TMEM234: variants seen among roughly 807,000 people sequenced by gnomAD.
TMEM234 encodes the protein transmembrane protein 234.
In TMEM234, 21 loss-of-function variants were observed where a neutral mutation model predicts 17.8. The observed-to-expected ratio is 1.18, with a 90% CI of 0.84 to 1.70. The LOEUF is 1.70. TMEM234 is among the 40% of genes most tolerant of loss of function. TMEM234 has a pLI of 0.00. For synonymous variants in TMEM234, 83 were observed against 73.5 expected (o/e 1.13, Z -0.66); for missense variants, 137 against 166.9 (o/e 0.82, Z 0.99).
In TMEM234 at chr1:32,216,395, G is replaced by A. The variant is rs1459887331; in HGVS notation, c.*458C>T. ...CCACTCCGACGCACCTTCTTCCCTC[G>A]GTTCCACCCCTCATTCAGCCAAAGC... On this transcript the variant is annotated 3_prime_UTR_variant, in exon 5 of 5. Coordinates refer to ENST00000309777, the MANE Select transcript of TMEM234 (RefSeq NM_019118.5). 12 of 1,551,170 alleles carry A rather than the reference G, an allele frequency of 7.7e-6. No homozygotes were observed. The highest frequency in any genetic ancestry group is 6.8e-5 in the African/African-American group (5 of 73,006).
In TMEM234 at chr1:32,217,560, C is replaced by T. The variant is rs1168361190; in HGVS notation, c.236-209G>A. 5 of 1,144,634 alleles carry T rather than the reference C, an allele frequency of 4.4e-6. No homozygotes were observed. In the East Asian group the frequency reaches 1.0e-4, roughly 24 times the overall value. 70.9% of individuals were successfully genotyped at this position (1,144,634 alleles called of 1,614,324 possible). A position where few individuals can be genotyped will look rare whatever the true frequency, so the allele number is the denominator to read the frequency against. On this transcript the variant is annotated intron_variant, in intron 3 of 4. Transcript: ENST00000309777. ...GGATTCCAGCATGAAGACCTGAACT[C>T]TGAGGTCTGGGACCAGCCTGGTTTG...
At chr1:32,218,824 G>A (rs1638642156) in intron 3 of TMEM234, among the ~76,000 whole-genome samples, 1 of 152,214 alleles carries the variant, frequency 6.6e-6, no homozygotes, top group Non-Finnish European at 1.5e-5. Context: ...TGTAGTCCCA[G>A]CTACTTGGGA....
chr1:32,217,256 T>TAG lies in TMEM234; in HGVS notation c.328+2_328+3insCT, dbSNP rs1638482236. 1 of 1,614,194 alleles carries TAG rather than the reference T, an allele frequency of 6.2e-7. No homozygotes were observed. The highest frequency in any genetic ancestry group is 8.5e-7 in the Non-Finnish European group (1 of 1,180,030). On this transcript the variant is annotated splice_region_variant and intron_variant, in intron 4 of 4. Transcript: ENST00000309777. Reference sequence around the variant, plus strand: ...GTCCCGCACTCGCAGTAGTCTAACTTACGTTTTCCACCAATATCTTCTCCA... The same window carrying TAG: ...GTCCCGCACTCGCAGTAGTCTAACTTAGACGTTTTCCACCAATATCTTCTCCA...
downstream of TMEM234, chr1:32,215,873 C>T: frequency 6.4e-7 from 1 of 1,551,482 alleles, no homozygotes. Context: ...CTATCTCAGC[C>T]TCAGCCCCAG....
chr1:32,217,478 A>G, intron 3 of TMEM234, 127 bp from the exon 4 acceptor site: 1 of 1,541,472 alleles, frequency 6.5e-7, no homozygotes, highest in Middle Eastern at 1.7e-4. Flanking sequence ...AGATGAAGTC[A>G]CAGCAAATCT....
intron 3 of TMEM234, 167 bp from the exon 4 acceptor site, chr1:32,217,518 A>G: frequency 2.8e-6 from 4 of 1,451,946 alleles, no homozygotes; most frequent in Non-Finnish European, 3.7e-6. Context: ...TCCTGACTCC[A>G]CGTTCAGTGC....
chr1:32,219,658 C>G (rs775989777), intron 3 of TMEM234, among the ~76,000 whole-genome samples: 9 of 152,162 alleles, frequency 5.9e-5, no homozygotes, highest in Non-Finnish European at 8.8e-5. Flanking sequence ...TAGGCCTGAG[C>G]CACTGTGCCC....
intron 3 of TMEM234, among the ~76,000 whole-genome samples, chr1:32,218,111 T>A (rs2124229867): frequency 6.6e-6 from 1 of 152,338 alleles, no homozygotes; most frequent in South Asian, 2.1e-4. Flanking sequence ...TGACTGCCAA[T>A]AAGCAAACTT....
downstream of TMEM234, chr1:32,215,434 C>G: frequency 6.2e-7 from 1 of 1,609,072 alleles, no homozygotes; most frequent in Non-Finnish European, 8.5e-7. Flanking sequence ...TGCCTCCCCT[C>G]TTTAGGAGTT....
intron 3 of TMEM234, among the ~76,000 whole-genome samples, chr1:32,218,410 G>A (rs1046972452): frequency 4.0e-5 from 6 of 151,794 alleles, no homozygotes; most frequent in African/African-American, 1.5e-4. Context: ...TGAGAAACAA[G>A]AGTGAAACTC....
In TMEM234 at chr1:32,216,490, G is replaced by A; in HGVS notation, c.*363C>T. The A allele has an allele frequency of 1.3e-6, 2 of 1,551,686 alleles. No individual in the cohort carries two copies. The highest frequency in any genetic ancestry group is 1.2e-5 in the South Asian group (1 of 84,058). On this transcript the variant is annotated 3_prime_UTR_variant, in exon 5 of 5. Transcript: ENST00000309777. ...AAAGTCTGCAGCTGGCCCTTTCCAT[G>A]CAGCTGGAGTTCTGCAGTCCATGGA...
chr1:32,215,671 AC>A, downstream of TMEM234: 1 of 1,106,254 alleles, frequency 9.0e-7, no homozygotes, highest in South Asian at 1.6e-5. Context: ...CTAACTTCCT[AC>A]CTTGTTAAAT....
downstream of TMEM234, chr1:32,215,347 A>G (rs144910030): frequency 5.3e-3 from 5,639 of 1,072,528 alleles, 18 homozygotes; most frequent in Non-Finnish European, 6.8e-3. Context: ...AACCAGGTTC[A>G]GGGGAGGGAA....
downstream of TMEM234, chr1:32,214,892 T>G (rs776192541): frequency 6.2e-7 from 1 of 1,613,870 alleles, no homozygotes; most frequent in Admixed American, 1.7e-5. Context: ...AGCAGACCAT[T>G]CAGCCAAGAA....
chr1:32,215,579 G>A (rs777457323), downstream of TMEM234: 1 of 1,595,264 alleles, frequency 6.3e-7, no homozygotes, highest in Non-Finnish European at 8.6e-7. Flanking sequence ...ATGTTGGGGT[G>A]GGAGGAGCTC....
rs1638864017 is a variant in TMEM234 at position 32,221,122 on chromosome 1, A to G, written c.235+9T>C. Reference sequence around the variant, plus strand: ...ACACTAAGCAGAACAGTTCCAAGCCAGGACCCACCTGTCGATGCCAAGGTG... The same window carrying G: ...ACACTAAGCAGAACAGTTCCAAGCCGGGACCCACCTGTCGATGCCAAGGTG... On this transcript the variant is annotated intron_variant, in intron 3 of 4. Transcript: ENST00000309777. 6.2e-7 allele frequency: 1 copy of G among 1,612,452 alleles called. No homozygotes were observed. The highest frequency in any genetic ancestry group is 8.5e-7 in the Non-Finnish European group (1 of 1,179,150).
chr1:32,215,261 T>G, downstream of TMEM234: 1 of 615,490 alleles, frequency 1.6e-6, no homozygotes, highest in South Asian at 2.1e-5. Context: ...AGGGGTGGGA[T>G]ATAGAGGGGA....
Position 32,216,694 on chromosome 1 carries a change from T to G in TMEM234, c.*159A>C, listed in dbSNP as rs1638415670. On this transcript the variant is annotated 3_prime_UTR_variant, in exon 5 of 5. Coordinates refer to ENST00000309777, the MANE Select transcript of TMEM234 (RefSeq NM_019118.5). Reference sequence around the variant, plus strand: ...GAAGGTTACAAAACTCTTTCACTCTTGTTCTCTTATTGTGATCCATGAGGT... The same window carrying G: ...GAAGGTTACAAAACTCTTTCACTCTGGTTCTCTTATTGTGATCCATGAGGT... 6.7e-7 allele frequency: 1 copy of G among 1,494,246 alleles called. No individual in the cohort carries two copies. Among genetic ancestry groups the G allele is most frequent in the Middle Eastern group, 2.2e-4 (1 of 4,470 alleles). 92.6% of individuals were successfully genotyped at this position (1,494,246 alleles called of 1,614,324 possible). A position where few individuals can be genotyped will look rare whatever the true frequency, so the allele number is the denominator to read the frequency against.
At chr1:32,215,747 C>G (rs533495251), downstream of TMEM234, 60 of 1,400,956 alleles carry the variant, frequency 4.3e-5, 2 homozygotes, top group South Asian at 7.7e-4. Flanking sequence ...TGGCTGAGAG[C>G]TGGAGGCTGG....
Sources: allele counts gnomAD v4.1 joint callset (sites outside exome capture counted in the v4.1 genomes callset), GRCh38; gene constraint gnomAD v4.1.1; transcripts MANE v1.5; gene names NCBI Gene and HGNC (gene_info 2026-07-23, HGNC 2026-07-21).